GRAMD1C: variants seen among roughly 807,000 people sequenced by gnomAD.
GRAMD1C encodes the protein GRAM domain containing 1C, also known as protein Aster-C.
A neutral mutation model predicts 97.8 loss-of-function variants in GRAMD1C; 89 were observed. The observed-to-expected ratio is 0.91, with a 90% CI of 0.77 to 1.09. The LOEUF (loss-of-function observed/expected upper bound fraction) is 1.09, where lower values mean the gene tolerates loss of function less well. Ranked by LOEUF, GRAMD1C falls within the 50% of genes least tolerant of loss-of-function variation. The pLI is 0.00. For synonymous variants in GRAMD1C, 256 were observed against 267.0 expected, an observed-to-expected ratio of 0.96 and a Z score of 0.40; for missense variants, 740 against 766.4, an observed-to-expected ratio of 0.97 and a Z score of 0.41.
chr3:113,932,812 C>T (rs1025023171), intron 11 of GRAMD1C, among the ~76,000 whole-genome samples: 26 of 152,058 alleles, frequency 1.7e-4, no homozygotes, highest in Admixed American at 4.6e-4. Context: ...CTCAAATGAT[C>T]TTCCCACCTC....
At chr3:113,847,169 CAA>C (rs1933647875) in intron 2 of GRAMD1C, among the ~76,000 whole-genome samples, 1 of 151,800 alleles carries the variant, frequency 6.6e-6, no homozygotes, top group Admixed American at 6.6e-5. Context: ...AGCAGAAACT[CAA>C]AAAAAGTGAA....
chr3:113,921,390 T>C (rs934354583), intron 10 of GRAMD1C, among the ~76,000 whole-genome samples: 1 of 152,256 alleles, frequency 6.6e-6, no homozygotes, highest in Non-Finnish European at 1.5e-5. Context: ...ATTGCATGTC[T>C]TTACTATTGT....
chr3:113,938,005 CAAA>C (rs5851908), intron 14 of GRAMD1C, 78 bp from the exon 15 acceptor site: 1,539 of 505,228 alleles, frequency 3.0e-3, no homozygotes, highest in Non-Finnish European at 3.3e-3. Context: ...AACTCCTTCT[CAAA>C]AAAAAAAAAA....
chr3:113,858,394 A>ATT (rs71144094), intron 2 of GRAMD1C, among the ~76,000 whole-genome samples: 12,477 of 109,192 alleles, frequency 0.11, 1,533 homozygotes, highest in African/African-American at 0.26. Context: ...TCCCAGCTAC[A>ATT]TTTTTTTTTT....
chr3:113,873,795 A>T (rs1934926876), intron 3 of GRAMD1C, among the ~76,000 whole-genome samples: 1 of 152,190 alleles, frequency 6.6e-6, no homozygotes, highest in Non-Finnish European at 1.5e-5. Flanking sequence ...CTGGGATTGC[A>T]GGTGTGAGCC....
chr3:113,889,939 AAAGT>A (rs1935651872), intron 6 of GRAMD1C, among the ~76,000 whole-genome samples: 1 of 152,014 alleles, frequency 6.6e-6, no homozygotes, highest in African/African-American at 2.4e-5. Context: ...CCCAGACAAG[AAAGT>A]TTCTTTCTTT....
In GRAMD1C at chr3:113,902,803, G is replaced by A. The variant is rs1020825834; in HGVS notation, c.657-1337G>A. On this transcript the variant is annotated intron_variant, in intron 7 of 17. Transcript: ENST00000358160. The stretch of plus-strand genomic sequence containing the variant: ...CTGGGATTGCGGTGCCCACCACCAC[G>A]CCTGGCTACTTTTTGTATTTTCAGT... Among the ~76,000 whole-genome samples the A allele has an allele frequency of 2.7e-5, 4 of 150,894 alleles. No homozygotes were observed. In the South Asian group the frequency reaches 6.3e-4, roughly 24 times the overall value.
rs1196994945 is a variant in GRAMD1C at position 113,908,965 on chromosome 3, G to A, written c.797G>A (p.Gly266Asp). Reference protein sequence around the residue: ...FDGNSSKGGLGKEESQNEKQT... With the variant: ...FDGNSSKGGLDKEESQNEKQT... ...GGATTGTTTACCTTTTAGGGATTAG[G>A]CAAAGAGGAGTCCCAAAATGAGAAA... Residue 266 changes from glycine to aspartate, a missense_variant, in exon 9 of 18, where the codon GGC becomes GAC. Transcript: ENST00000358160. 1.3e-6 allele frequency: 2 copies of A among 1,565,400 alleles called. No individual in the cohort carries two copies. Among genetic ancestry groups the A allele is most frequent in the East Asian group, 2.4e-5 (1 of 42,212 alleles).
In GRAMD1C at chr3:113,933,553, G is replaced by T; in HGVS notation, c.1252G>T (p.Asp418Tyr). Residue 418 changes from aspartate to tyrosine, a missense_variant, in exon 12 of 18, where the codon GAT becomes TAT. Coordinates refer to ENST00000358160, the MANE Select transcript of GRAMD1C (RefSeq NM_017577.5). ...TCGGGAAGCACGATTTTATTTGGTA[G>T]ATTCAGAAGTACTGACACATGATGT... ...ESREARFYLV[D>Y]SEVLTHDVPY... is the part of the protein sequence containing the mutation. 6.2e-7 allele frequency: 1 copy of T among 1,609,636 alleles called. No homozygotes were observed. Among genetic ancestry groups the T allele is most frequent in the Non-Finnish European group, 8.5e-7 (1 of 1,175,952 alleles).
Position 113,933,664 on chromosome 3 carries a change from G to T in GRAMD1C, c.1352+11G>T, listed in dbSNP as rs201142310. On this transcript the variant is annotated intron_variant, in intron 12 of 17. Coordinates refer to ENST00000358160, the MANE Select transcript of GRAMD1C (RefSeq NM_017577.5). The stretch of plus-strand genomic sequence containing the variant: ...GAAATGCAGGCTAAGGTGAGCTGCT[G>T]TACATGAATGTGTTAGGATAGGCTA... The T allele has an allele frequency of 3.2e-6, 5 of 1,583,084 alleles. No individual in the cohort carries two copies. In the South Asian group the frequency reaches 3.3e-5, roughly 11 times the overall value.
chr3:113,921,156 G>A (rs1175473278), intron 10 of GRAMD1C, among the ~76,000 whole-genome samples: 4 of 152,108 alleles, frequency 2.6e-5, no homozygotes, highest in African/African-American at 9.7e-5. Flanking sequence ...AAGTGAAAAC[G>A]TGGTATTTAG....
At chr3:113,837,258 C>T (rs917310867), upstream of GRAMD1C, among the ~76,000 whole-genome samples, 5 of 152,128 alleles carry the variant, frequency 3.3e-5, no homozygotes, top group African/African-American at 7.2e-5. Context: ...ATGAGTTAGC[C>T]ACTGTGCCTG....
At chr3:113,882,057 A>G (rs1236480474) in intron 5 of GRAMD1C, among the ~76,000 whole-genome samples, 3 of 152,190 alleles carry the variant, frequency 2.0e-5, no homozygotes, top group Admixed American at 6.5e-5. Flanking sequence ...AGGGAACTGG[A>G]AGAGATAACA....
In GRAMD1C at chr3:113,930,670, T is replaced by C. The variant is rs749907141; in HGVS notation, c.1091-44T>C. 4.0e-6 allele frequency: 4 copies of C among 1,005,456 alleles called. No individual in the cohort carries two copies. The South Asian group carries it at 5.2e-5, about 13-fold the overall frequency. The allele number at this position is 1,005,456 out of a possible 1,614,324, so 62.3% of individuals were successfully genotyped here. A position where few individuals can be genotyped will look rare whatever the true frequency, so the allele number is the denominator to read the frequency against. ...TTTGATTTCATTTAATGTCATACTG[T>C]TTAAGTTTCTAGAACTAACTCATTT... is the stretch of plus-strand genomic sequence containing the variant. On this transcript the variant is annotated intron_variant, in intron 10 of 17. Coordinates refer to ENST00000358160, the MANE Select transcript of GRAMD1C (RefSeq NM_017577.5).
intron 2 of GRAMD1C, among the ~76,000 whole-genome samples, chr3:113,864,274 C>T (rs556587751): frequency 6.6e-5 from 10 of 152,008 alleles, no homozygotes; most frequent in East Asian, 3.9e-4. Flanking sequence ...CCACCACGCT[C>T]GGCTAATTTT....
intron 10 of GRAMD1C, among the ~76,000 whole-genome samples, chr3:113,927,340 G>A (rs1937262546): frequency 1.3e-5 from 2 of 152,130 alleles, no homozygotes; most frequent in Admixed American, 1.3e-4. Context: ...TGTTTCTTTT[G>A]TTGGGTGTTT....
Position 113,920,831 on chromosome 3 carries a change from C to CA in GRAMD1C, c.1090+4994dup, listed in dbSNP as rs1418435855. Among the ~76,000 whole-genome samples, 121 of 152,238 alleles carry CA rather than the reference C, an allele frequency of 7.9e-4. 1 individual carries two copies. Among genetic ancestry groups the CA allele is most frequent in the African/African-American group, 2.8e-3 (118 of 41,542 alleles). On this transcript the variant is annotated intron_variant, in intron 10 of 17. Transcript: ENST00000358160. ...GTGCTGGGATTACAGCATGAGCCAC[C>CA]ACACCTGGCCAAAATTCGGGGGTCT...
chr3:113,904,670 T>A, intron 8 of GRAMD1C, among the ~76,000 whole-genome samples: 1 of 152,072 alleles, frequency 6.6e-6, no homozygotes, highest in Non-Finnish European at 1.5e-5. Flanking sequence ...AGAATCTGTT[T>A]TGAAGGGAGA....
intron 8 of GRAMD1C, among the ~76,000 whole-genome samples, chr3:113,906,527 T>A (rs1032187104): frequency 1.3e-5 from 2 of 152,208 alleles, no homozygotes; most frequent in African/African-American, 4.8e-5. Flanking sequence ...AATATTTTTG[T>A]ACAGCTGTCC....
Sources: gnomAD v4.1 joint callset for allele counts (sites outside exome capture counted in the v4.1 genomes callset) on GRCh38, gnomAD v4.1.1 for gene constraint, MANE v1.5 for transcripts, NCBI Gene and HGNC (gene_info 2026-07-23, HGNC 2026-07-21) for gene names.